The following RABGAP1L variants were observed in gnomAD, a reference collection of about 807,000 sequenced individuals.
RABGAP1L encodes the protein rab GTPase-activating protein 1-like.
A neutral mutation model predicts 137.7 loss-of-function variants in RABGAP1L; 63 were observed. That is an observed-to-expected ratio of 0.46 (90% CI 0.37 to 0.56). The LOEUF is 0.56. RABGAP1L is among the 20% of genes least tolerant of loss of function. The pLI is 0.00. For synonymous variants in RABGAP1L, 431 were observed against 433.7 expected (o/e 0.99, Z 0.08); for missense variants, 1,095 against 1,244.0 (o/e 0.88, Z 1.80).
At chr1:174,690,959 G>A (rs1446543059) in intron 15 of RABGAP1L, among the ~76,000 whole-genome samples, 1 of 151,470 alleles carries the variant, frequency 6.6e-6, no homozygotes, top group Non-Finnish European at 1.5e-5. Context: ...AGCCTGCCGA[G>A]TAGCTGGGAT....
chr1:174,400,936 A>G (rs377688703), intron 13 of RABGAP1L, among the ~76,000 whole-genome samples: 18 of 152,270 alleles, frequency 1.2e-4, no homozygotes, highest in African/African-American at 4.3e-4. Flanking sequence ...AAAGTTCTTC[A>G]TATCATTTTG....
intron 19 of RABGAP1L, among the ~76,000 whole-genome samples, chr1:174,886,359 T>G (rs1655131737): frequency 6.6e-6 from 1 of 152,194 alleles, no homozygotes; most frequent in Non-Finnish European, 1.5e-5. Context: ...AAGCTGAACG[T>G]GTAATCAAAT....
intron 19 of RABGAP1L, among the ~76,000 whole-genome samples, chr1:174,927,468 AG>A (rs1663038618): frequency 6.6e-6 from 1 of 152,130 alleles, no homozygotes; most frequent in Admixed American, 6.6e-5. Context: ...GAGCTCATGC[AG>A]TCCTCCTGCC....
intron 8 of RABGAP1L, 63 bp downstream of exon 8, chr1:174,272,543 A>G: frequency 7.1e-7 from 1 of 1,406,638 alleles, no homozygotes; most frequent in Non-Finnish European, 9.3e-7. Context: ...TTTGACAAGT[A>G]TTTTCTATTT....
intron 3 of RABGAP1L, among the ~76,000 whole-genome samples, chr1:174,227,644 T>G (rs891346790): frequency 2.0e-5 from 3 of 152,308 alleles, no homozygotes; most frequent in Admixed American, 6.5e-5. Flanking sequence ...TTTATCTCCA[T>G]TATTGGCACA....
intron 12 of RABGAP1L, among the ~76,000 whole-genome samples, chr1:174,376,956 G>T (rs548429600): frequency 6.6e-5 from 10 of 152,044 alleles, no homozygotes; most frequent in African/African-American, 2.4e-4. Context: ...AAACCCCAAG[G>T]AATCTACAAA....
chr1:174,274,639 TAGA>T (rs1674822805), intron 8 of RABGAP1L, among the ~76,000 whole-genome samples: 2 of 147,426 alleles, frequency 1.4e-5, no homozygotes, highest in East Asian at 2.0e-4. Context: ...TGTGTGTGTG[TAGA>T]GGAGAGAAAG....
At chr1:174,470,306 C>T (rs1473878319) in intron 13 of RABGAP1L, among the ~76,000 whole-genome samples, 1 of 152,168 alleles carries the variant, frequency 6.6e-6, no homozygotes, top group Non-Finnish European at 1.5e-5. Context: ...TGTAATTTTA[C>T]ATATGTACAT....
intron 13 of RABGAP1L, among the ~76,000 whole-genome samples, chr1:174,471,153 C>G (rs191958045): frequency 1.3e-5 from 2 of 152,128 alleles, no homozygotes; most frequent in African/African-American, 4.8e-5. Context: ...TTTCTATATT[C>G]GTGTATGTTT....
Position 174,650,088 on chromosome 1 carries a change from T to C in RABGAP1L, c.1824+12600T>C, listed in dbSNP as rs555932554. Among the ~76,000 whole-genome samples the C allele has an allele frequency of 2.4e-4, 37 of 152,340 alleles. No homozygotes were observed. In the South Asian group the frequency reaches 7.5e-3, roughly 31 times the overall value. On this transcript the variant is annotated intron_variant, in intron 14 of 25. Transcript: ENST00000681986. ...AAGGCCTTTTCTGCATCTATTGAGA[T>C]AATCATGTGGTTTTTATCTTTGGTT...
chr1:174,946,674 G>T (rs1344734913), intron 19 of RABGAP1L, among the ~76,000 whole-genome samples: 2 of 151,906 alleles, frequency 1.3e-5, no homozygotes, highest in African/African-American at 4.8e-5. Flanking sequence ...GCCGAGGCAG[G>T]TGGATCACCT....
intron 13 of RABGAP1L, among the ~76,000 whole-genome samples, chr1:174,405,880 G>C (rs1393859831): frequency 1.3e-5 from 2 of 151,870 alleles, no homozygotes; most frequent in African/African-American, 4.8e-5. Context: ...TGGGAGGCTG[G>C]GGTGGGAGGA....
chr1:174,587,795 G>T (rs934495796), intron 13 of RABGAP1L, among the ~76,000 whole-genome samples: 7 of 152,070 alleles, frequency 4.6e-5, no homozygotes, highest in African/African-American at 1.4e-4. Context: ...GGGAAATGAG[G>T]TATTCACCAT....
At chr1:174,684,921 C>T (rs865996994) in intron 15 of RABGAP1L, among the ~76,000 whole-genome samples, 2 of 152,096 alleles carry the variant, frequency 1.3e-5, no homozygotes, top group African/African-American at 2.4e-5. Context: ...GTCAAGGCTG[C>T]AGTAAGCCTT....
At chr1:174,629,843 G>C (rs1673206932) in intron 13 of RABGAP1L, among the ~76,000 whole-genome samples, 1 of 152,134 alleles carries the variant, frequency 6.6e-6, no homozygotes, top group African/African-American at 2.4e-5. Context: ...TATTAAGTAA[G>C]GACAAGGTGA....
chr1:174,537,574 A>T (rs1664989049), intron 13 of RABGAP1L, among the ~76,000 whole-genome samples: 1 of 152,180 alleles, frequency 6.6e-6, no homozygotes, highest in African/African-American at 2.4e-5. Flanking sequence ...ATACACCATC[A>T]TCCAATTCTT....
chr1:174,368,846 G>A (rs1684862311), intron 11 of RABGAP1L, among the ~76,000 whole-genome samples: 1 of 152,088 alleles, frequency 6.6e-6, no homozygotes, highest in South Asian at 2.1e-4. Flanking sequence ...CCCTACAAGA[G>A]TATTATGAAT....
chr1:174,461,535 A>G (rs1571912776), intron 13 of RABGAP1L, among the ~76,000 whole-genome samples: 1 of 152,114 alleles, frequency 6.6e-6, no homozygotes, highest in African/African-American at 2.4e-5. Context: ...CTACTCAATT[A>G]TTTGTTGAGC....
At chr1:174,740,660 T>A (rs1216157328) in intron 17 of RABGAP1L, among the ~76,000 whole-genome samples, 1 of 152,150 alleles carries the variant, frequency 6.6e-6, no homozygotes, top group Non-Finnish European at 1.5e-5. Flanking sequence ...CTCCATACTG[T>A]TTTCCATAGT....
Sources: gnomAD v4.1 joint callset for allele counts (sites outside exome capture counted in the v4.1 genomes callset) on GRCh38, gnomAD v4.1.1 for gene constraint, MANE v1.5 for transcripts, NCBI Gene and HGNC (gene_info 2026-07-23, HGNC 2026-07-21) for gene names.